RGS6: variants seen among roughly 807,000 people sequenced by gnomAD.
RGS6 encodes regulator of G-protein signaling 6.
Under a neutral mutation model 78.5 loss-of-function variants are expected in RGS6, and 30 were observed. The observed-to-expected ratio is 0.38, with a 90% CI of 0.29 to 0.52. The LOEUF (loss-of-function observed/expected upper bound fraction) is 0.52, where lower values mean the gene tolerates loss of function less well. Among genes scored for constraint, RGS6 ranks in the 20% least tolerant of loss-of-function variants. The pLI is 0.85. For missense variants in RGS6, 495 were observed against 609.7 expected (o/e 0.81, Z 1.98); for synonymous variants, 206 against 206.0 (o/e 1.00, Z 0.00).
intron 2 of RGS6, among the ~76,000 whole-genome samples, chr14:71,980,889 T>A (rs541737809): frequency 3.6e-4 from 35 of 98,202 alleles, no homozygotes; most frequent in African/African-American, 1.2e-3. Context: ...CCCATCACTT[T>A]CAGGTACACC....
In RGS6 at chr14:72,059,642, T is replaced by C. The variant is rs537396344; in HGVS notation, c.84+94767T>C. Among the ~76,000 whole-genome samples the C allele has an allele frequency of 1.3e-4, 20 of 152,270 alleles. No individual in the cohort carries two copies. The South Asian group carries it at 3.3e-3, about 25-fold the overall frequency. On this transcript the variant is annotated intron_variant, in intron 2 of 17. Coordinates refer to ENST00000553525, the MANE Select transcript of RGS6 (RefSeq NM_001204424.2). ...TGCCTGTGAGCCCTAGGTTCCTATGTTGAAGCCCTAACCCCCAGTGTGATG... is the reference window on the plus strand; with the variant it reads ...TGCCTGTGAGCCCTAGGTTCCTATGCTGAAGCCCTAACCCCCAGTGTGATG...
At chr14:72,602,504 T>A in the RGS6 span, among the ~76,000 whole-genome samples, 3 of 152,180 alleles carry the variant, frequency 2.0e-5, no homozygotes, top group East Asian at 3.8e-4. Context: ...GTGAGTGGCA[T>A]TGCCAGCCTT....
At position 72,338,689 on chromosome 14, in the gene RGS6, G is replaced by A. The variant is rs1369012872; in HGVS notation, c.85-13406G>A. 3.3e-5 allele frequency among the ~76,000 whole-genome samples: 5 copies of A among 152,330 alleles called. No individual in the cohort carries two copies. In the East Asian group the frequency reaches 9.6e-4, roughly 29 times the overall value. Reference sequence around the variant, plus strand: ...TACAAACCTATACAAACTGGGGCTTGTTATGTGAGAAGTGACGTTGGTGAT... The same window carrying A: ...TACAAACCTATACAAACTGGGGCTTATTATGTGAGAAGTGACGTTGGTGAT... On this transcript the variant is annotated intron_variant, in intron 2 of 17. Transcript: ENST00000553525.
chr14:71,930,829 A>G (rs12893066), upstream of RGS6, among the ~76,000 whole-genome samples: 4 of 151,708 alleles, frequency 2.6e-5, no homozygotes, highest in Non-Finnish European at 4.4e-5. Flanking sequence ...CTGAAAACAC[A>G]CAAAAAATTA....
At chr14:72,629,060 A>G in the RGS6 span, among the ~76,000 whole-genome samples, 3,672 of 152,326 alleles carry the variant, frequency 0.024, 145 homozygotes, top group African/African-American at 0.083. Context: ...AACTGAGGAA[A>G]TATGAGACGA....
At chr14:72,046,909 T>C (rs2092890470) in intron 2 of RGS6, among the ~76,000 whole-genome samples, 1 of 152,176 alleles carries the variant, frequency 6.6e-6, no homozygotes, top group Non-Finnish European at 1.5e-5. Flanking sequence ...CCTTCCAGTA[T>C]CGACAAATAG....
intron 2 of RGS6, among the ~76,000 whole-genome samples, chr14:72,343,678 G>C (rs1171953181): frequency 1.3e-5 from 2 of 152,122 alleles, no homozygotes; most frequent in Non-Finnish European, 2.9e-5. Context: ...GGTGAGCCCG[G>C]GCCACCCTGG....
In RGS6 at chr14:72,057,313, GAAAAAAAAAAA is replaced by G. The variant is rs71109718; in HGVS notation, c.84+92455_84+92465del. Among the ~76,000 whole-genome samples the G allele has an allele frequency of 1.4e-4, 8 of 56,166 alleles. No homozygotes were observed. The South Asian group carries it at 3.0e-3, about 21-fold the overall frequency. The allele number at this position is 56,166 out of a possible 152,430, so 36.8% of individuals were successfully genotyped here. A position where few individuals can be genotyped will look rare whatever the true frequency, so the allele number is the denominator to read the frequency against. On this transcript the variant is annotated intron_variant, in intron 2 of 17. Transcript: ENST00000553525. ...TGAGTGACAGAGTGAGACTCTATCT[GAAAAAAAAAAA>G]AAAAAAAAAAAAAAAAGAATGTTTG...
intron 2 of RGS6, among the ~76,000 whole-genome samples, chr14:72,041,572 C>G (rs1771767292): frequency 6.6e-6 from 1 of 152,232 alleles, no homozygotes; most frequent in Admixed American, 6.5e-5. Flanking sequence ...CTCCTCTTTT[C>G]CTCCCAAAGG....
chr14:72,416,469 T>C (rs1288696660), intron 3 of RGS6, among the ~76,000 whole-genome samples: 1 of 152,216 alleles, frequency 6.6e-6, no homozygotes, highest in Non-Finnish European at 1.5e-5. Context: ...GTATTAACTT[T>C]AATTTCTCAA....
chr14:72,397,746 G>T (rs2091667311), intron 3 of RGS6, among the ~76,000 whole-genome samples: 1 of 152,108 alleles, frequency 6.6e-6, no homozygotes. Context: ...TTTATTGAGA[G>T]TTTTTTAGCA....
intron 12 of RGS6, among the ~76,000 whole-genome samples, chr14:72,493,004 C>T (rs1239040984): frequency 6.6e-6 from 1 of 152,052 alleles, no homozygotes. Flanking sequence ...AAATAGACGC[C>T]CCAGAGGAAA....
intron 2 of RGS6, among the ~76,000 whole-genome samples, chr14:72,060,333 T>C (rs2093828602): frequency 6.6e-6 from 1 of 151,732 alleles, no homozygotes; most frequent in African/African-American, 2.4e-5. Flanking sequence ...TTATAATCTT[T>C]TTTAATATAT....
chr14:72,106,120 A>G (rs1376632319), intron 2 of RGS6, among the ~76,000 whole-genome samples: 1 of 152,238 alleles, frequency 6.6e-6, no homozygotes, highest in Non-Finnish European at 1.5e-5. Context: ...GAGACCAGAC[A>G]TAAATGCATA....
In RGS6 at chr14:72,023,899, G is replaced by A. The variant is rs146511994; in HGVS notation, c.84+59024G>A. 3.5e-4 allele frequency among the ~76,000 whole-genome samples: 54 copies of A among 152,296 alleles called. 1 individual carries two copies. In the East Asian group the frequency reaches 8.9e-3, roughly 25 times the overall value. ...TTCACAGAGAGAGGGAGGTGGAACC[G>A]CAGAGGGCTTGGTCCAAGTTAGAAC... On this transcript the variant is annotated intron_variant, in intron 2 of 17. Transcript: ENST00000553525.
intron 2 of RGS6, among the ~76,000 whole-genome samples, chr14:72,343,000 A>C (rs1320684835): frequency 1.3e-5 from 2 of 152,200 alleles, no homozygotes; most frequent in Non-Finnish European, 2.9e-5. Flanking sequence ...CTTCCCCAGA[A>C]GGAGAAGATG....
chr14:72,217,848 A>G (rs1470997648), intron 2 of RGS6, among the ~76,000 whole-genome samples: 1 of 152,158 alleles, frequency 6.6e-6, no homozygotes. Context: ...CATAATGCCA[A>G]ACACTCCAGG....
chr14:72,125,908 A>G (rs1046872729), intron 2 of RGS6, among the ~76,000 whole-genome samples: 1 of 152,196 alleles, frequency 6.6e-6, no homozygotes, highest in Non-Finnish European at 1.5e-5. Context: ...CTATAAAACA[A>G]TGTAAGCAAC....
At chr14:72,488,699 G>A (rs1189408576) in intron 12 of RGS6, among the ~76,000 whole-genome samples, 3 of 152,252 alleles carry the variant, frequency 2.0e-5, no homozygotes, top group East Asian at 3.9e-4. Context: ...CTCCTCTTGG[G>A]ACCAGGTGCT....
Sources: gnomAD v4.1 joint callset for allele counts (sites outside exome capture counted in the v4.1 genomes callset) on GRCh38, gnomAD v4.1.1 for gene constraint, MANE v1.5 for transcripts, NCBI Gene and HGNC (gene_info 2026-07-23, HGNC 2026-07-21) for gene names.